The following ANKS6 variants were observed in gnomAD, a reference collection of about 807,000 sequenced individuals.
The protein encoded by ANKS6 is ankyrin repeat and SAM domain-containing protein 6.
A neutral mutation model predicts 77.9 loss-of-function variants in ANKS6; 47 were observed. The observed-to-expected ratio is 0.60, with a 90% CI of 0.48 to 0.77. The LOEUF (loss-of-function observed/expected upper bound fraction) is 0.77, where lower values mean the gene tolerates loss of function less well. Ranked by LOEUF, ANKS6 falls within the 30% of genes least tolerant of loss-of-function variation. The pLI, the probability that ANKS6 is intolerant of heterozygous loss-of-function variation, is 0.00. For synonymous variants in ANKS6, 488 were observed against 501.7 expected (o/e 0.97, Z 0.37); for missense variants, 1,150 against 1,159.1 (o/e 0.99, Z 0.11).
Position 98,773,872 on chromosome 9 carries a change from C to T in ANKS6, c.1821+5G>A. On this transcript the variant is annotated splice_donor_5th_base_variant and intron_variant, in intron 9 of 14. Transcript: ENST00000353234. ...TGTGTAAAAGTGTGTCAGAAGACAA[C>T]TTACAGTGTCTGTGCCCCCGCCGCC... is the stretch of plus-strand genomic sequence containing the variant. 1 of 1,532,990 alleles carries T rather than the reference C, an allele frequency of 6.5e-7. No homozygotes were observed. Among genetic ancestry groups the T allele is most frequent in the Non-Finnish European group, 8.7e-7 (1 of 1,144,890 alleles). The allele number at this position is 1,532,990 out of a possible 1,614,324, so 95.0% of individuals were successfully genotyped here.
chr9:98,733,498 C>T lies in ANKS6; in HGVS notation c.*3021G>A, dbSNP rs938880300. ...TGATGTCCCACTGCCAAGCAGGCCA[C>T]CTCTGCAGAGCTGCTGGGGAGAAAA... On this transcript the variant is annotated 3_prime_UTR_variant, in exon 15 of 15. Transcript: ENST00000353234. 2.6e-5 allele frequency: 26 copies of T among 985,532 alleles called. No individual in the cohort carries two copies. The South Asian group carries it at 1.0e-3, about 39-fold the overall frequency. The allele number at this position is 985,532 out of a possible 1,614,324, so 61.0% of individuals were successfully genotyped here. A position where few individuals can be genotyped will look rare whatever the true frequency, so the allele number is the denominator to read the frequency against.
rs547885510 is a variant in ANKS6 at position 98,775,650 on chromosome 9, T to C, written c.1618-1570A>G. Among the ~76,000 whole-genome samples, 6 of 152,310 alleles carry C rather than the reference T, an allele frequency of 3.9e-5. No individual in the cohort carries two copies. The South Asian group carries it at 1.2e-3, about 32-fold the overall frequency. On this transcript the variant is annotated intron_variant, in intron 8 of 14. Transcript: ENST00000353234. The stretch of plus-strand genomic sequence containing the variant: ...TATTATTATATACAACATCATATCA[T>C]ATTTATACATGCTAAAAAACTGCTT...
intron 6 of ANKS6, among the ~76,000 whole-genome samples, chr9:98,779,204 A>G (rs770983097): frequency 6.6e-6 from 1 of 152,184 alleles, no homozygotes; most frequent in Non-Finnish European, 1.5e-5. Flanking sequence ...CTCAGGCATA[A>G]AGTAAGTTTG....
Position 98,790,507 on chromosome 9 carries a change from C to G in ANKS6, c.459G>C (p.Arg153=). 2 of 1,613,506 alleles carry G rather than the reference C, an allele frequency of 1.2e-6. No individual in the cohort carries two copies. Among genetic ancestry groups the G allele is most frequent in the Non-Finnish European group, 1.7e-6 (2 of 1,179,964 alleles). Residue 153 remains arginine, a synonymous_variant, in exon 2 of 15, where the codon CGG becomes CGC. Coordinates refer to ENST00000353234, the MANE Select transcript of ANKS6 (RefSeq NM_173551.5). ...LGASVLTVAS[R]GGHLGVVKLL... ...GCTTCACCACACCCAGGTGGCCGCC[C>G]CGAGAAGCCACAGTGAGCACACTGG...
rs181080601 is a variant in ANKS6 at position 98,784,996 on chromosome 9, T to C, written c.863-120A>G. 150 of 861,792 alleles carry C rather than the reference T, an allele frequency of 1.7e-4. No individual in the cohort carries two copies. The East Asian group carries it at 3.5e-3, about 20-fold the overall frequency. 53.4% of individuals were successfully genotyped at this position (861,792 alleles called of 1,614,324 possible). On this transcript the variant is annotated intron_variant, in intron 2 of 14. Transcript: ENST00000353234. ...CATCTAATTCTCAAAAGCAATCTAA[T>C]TGGAGACCTACGTAATGGACAAATC...
intron 5 of ANKS6, among the ~76,000 whole-genome samples, chr9:98,781,389 AGT>A (rs1039283184): frequency 6.6e-6 from 1 of 152,172 alleles, no homozygotes; most frequent in African/African-American, 2.4e-5. Flanking sequence ...TCTCAGAAAA[AGT>A]GTGTATGAGA....
chr9:98,780,395 A>T, intron 5 of ANKS6, 58 bp from the exon 6 acceptor site: 1 of 1,509,948 alleles, frequency 6.6e-7, no homozygotes, highest in Admixed American at 2.0e-5. Context: ...CCATAAGGAG[A>T]AGACTCAAGA....
chr9:98,758,169 A>T (rs1832816468), intron 11 of ANKS6, among the ~76,000 whole-genome samples: 1 of 151,988 alleles, frequency 6.6e-6, no homozygotes, highest in Non-Finnish European at 1.5e-5. Context: ...TTATTTGCTC[A>T]ATCATTTATT....
chr9:98,760,312 GGC>G (rs1832940392), intron 11 of ANKS6, among the ~76,000 whole-genome samples: 1 of 151,980 alleles, frequency 6.6e-6, no homozygotes, highest in Non-Finnish European at 1.5e-5. Flanking sequence ...TTAAATCATT[GGC>G]CACTGATTAT....
chr9:98,740,970 C>T (rs745388469), intron 14 of ANKS6, among the ~76,000 whole-genome samples: 1 of 152,186 alleles, frequency 6.6e-6, no homozygotes, highest in Non-Finnish European at 1.5e-5. Flanking sequence ...ACACTCACAG[C>T]TAGTGGAACT....
At chr9:98,744,863 G>GAA (rs35512396) in intron 14 of ANKS6, among the ~76,000 whole-genome samples, 3 of 143,508 alleles carry the variant, frequency 2.1e-5, no homozygotes, top group African/African-American at 7.7e-5. Flanking sequence ...ATTGTTGCTG[G>GAA]AAAAAAAAAA....
Position 98,771,704 on chromosome 9 carries a change from C to G in ANKS6, c.1822-658G>C, listed in dbSNP as rs7041477. 7.6e-3 allele frequency among the ~76,000 whole-genome samples: 1,156 copies of G among 152,242 alleles called. 15 individuals carry two copies. Among genetic ancestry groups the G allele is most frequent in the African/African-American group, 0.026 (1,076 of 41,528 alleles). The stretch of plus-strand genomic sequence containing the variant: ...TCTACATGGACCCGGCGGCTCCCCC[C>G]CATCCTTACCCCACTCCTCCCACAG... On this transcript the variant is annotated intron_variant, in intron 9 of 14. Coordinates refer to ENST00000353234, the MANE Select transcript of ANKS6 (RefSeq NM_173551.5).
chr9:98,738,576 T>TAAA (rs756331864), intron 14 of ANKS6, among the ~76,000 whole-genome samples: 4 of 110,026 alleles, frequency 3.6e-5, no homozygotes, highest in South Asian at 2.7e-4. Context: ...AACAAAAAAA[T>TAAA]AAAATAAAAA....
intron 8 of ANKS6, among the ~76,000 whole-genome samples, chr9:98,775,576 A>C (rs1298571849): frequency 6.6e-6 from 1 of 152,238 alleles, no homozygotes; most frequent in African/African-American, 2.4e-5. Context: ...TGATACATGC[A>C]AAGTGCGATG....
intron 2 of ANKS6, 59 bp from the exon 3 acceptor site, chr9:98,784,935 C>A: frequency 2.7e-6 from 4 of 1,497,832 alleles, no homozygotes; most frequent in Non-Finnish European, 3.7e-6. Context: ...ACAGAAAAGT[C>A]ACAAGGGTGT....
At chr9:98,747,609 C>T (rs1335129985) in intron 13 of ANKS6, among the ~76,000 whole-genome samples, 3 of 152,104 alleles carry the variant, frequency 2.0e-5, no homozygotes, top group South Asian at 2.1e-4. Context: ...CTGCTGGACA[C>T]GAGTCTTTCC....
At chr9:98,782,099 C>T (rs1482140273) in intron 5 of ANKS6, among the ~76,000 whole-genome samples, 2 of 152,184 alleles carry the variant, frequency 1.3e-5, no homozygotes, top group African/African-American at 2.4e-5. Context: ...TCCCATTCTG[C>T]TTATCAAAGG....
At chr9:98,764,491 C>G (rs992743142) in intron 11 of ANKS6, among the ~76,000 whole-genome samples, 1 of 152,122 alleles carries the variant, frequency 6.6e-6, no homozygotes, top group East Asian at 1.9e-4. Flanking sequence ...TGTAGGGATT[C>G]CAATTACCTC....
At chr9:98,769,143 G>A (rs1334130555) in intron 10 of ANKS6, among the ~76,000 whole-genome samples, 2 of 144,552 alleles carry the variant, frequency 1.4e-5, no homozygotes, top group African/African-American at 2.5e-5. Flanking sequence ...AAAAAAAAAA[G>A]AAAGAAAGAA....
Sources: gnomAD v4.1 joint callset for allele counts (sites outside exome capture counted in the v4.1 genomes callset) on GRCh38, gnomAD v4.1.1 for gene constraint, MANE v1.5 for transcripts, NCBI Gene and HGNC (gene_info 2026-07-23, HGNC 2026-07-21) for gene names.